The following PKHD1 variants were observed in gnomAD, a reference collection of about 807,000 sequenced individuals.
The protein encoded by PKHD1 is fibrocystin.
PKHD1 carries 291 observed loss-of-function variants against 412.0 expected under a neutral mutation model. That is an observed-to-expected ratio of 0.71 (90% CI 0.64 to 0.78). The LOEUF (loss-of-function observed/expected upper bound fraction) is 0.78. Ranked by LOEUF, PKHD1 falls within the 30% of genes least tolerant of loss-of-function variation. The pLI, the probability that PKHD1 is intolerant of heterozygous loss-of-function variation, is 0.00. For synonymous variants in PKHD1, 1,777 were observed against 1,821.5 expected, an observed-to-expected ratio of 0.98 and a Z score of 0.62; for missense variants, 4,825 against 4,950.7, an observed-to-expected ratio of 0.97 and a Z score of 0.76.
chr6:51,916,689 ATC>A (rs1225648120), intron 37 of PKHD1, among the ~76,000 whole-genome samples: 1 of 152,174 alleles, frequency 6.6e-6, no homozygotes, highest in Non-Finnish European at 1.5e-5. Context: ...CACATTTTAC[ATC>A]TGAGTCATTT....
chr6:51,762,993 G>A (rs1427806335), intron 55 of PKHD1, among the ~76,000 whole-genome samples: 1 of 151,968 alleles, frequency 6.6e-6, no homozygotes, highest in Non-Finnish European at 1.5e-5. Context: ...TAAAGAGAAA[G>A]AATTCCATAA....
chr6:51,988,970 G>A (rs1796540968), intron 35 of PKHD1, among the ~76,000 whole-genome samples: 1 of 152,126 alleles, frequency 6.6e-6, no homozygotes, highest in Non-Finnish European at 1.5e-5. Context: ...TAAGGCCAGG[G>A]GCTCACATTG....
intron 52 of PKHD1, among the ~76,000 whole-genome samples, chr6:51,813,842 T>G (rs1385053955): frequency 6.6e-6 from 1 of 152,160 alleles, no homozygotes; most frequent in African/African-American, 2.4e-5. Flanking sequence ...ATTAATAAAA[T>G]ACTATATTTT....
At chr6:52,051,369 A>C (rs1162961946) in intron 21 of PKHD1, among the ~76,000 whole-genome samples, 2 of 152,250 alleles carry the variant, frequency 1.3e-5, no homozygotes, top group African/African-American at 4.8e-5. Context: ...GAATATCATC[A>C]AGTATAAAAT....
intron 35 of PKHD1, among the ~76,000 whole-genome samples, chr6:51,994,342 A>C (rs1391874685): frequency 6.6e-6 from 1 of 151,952 alleles, no homozygotes; most frequent in East Asian, 1.9e-4. Flanking sequence ...TCACCGTGTT[A>C]GCCAGGATGG....
intron 52 of PKHD1, among the ~76,000 whole-genome samples, chr6:51,809,046 C>A (rs552979990): frequency 1.3e-5 from 2 of 152,102 alleles, no homozygotes; most frequent in Admixed American, 1.3e-4. Flanking sequence ...ACTGAATAAT[C>A]AATAATCAAT....
At chr6:51,637,597 C>T (rs1249229550) in intron 64 of PKHD1, among the ~76,000 whole-genome samples, 1 of 135,428 alleles carries the variant, frequency 7.4e-6, no homozygotes, top group Non-Finnish European at 1.6e-5. Context: ...AGAAGATAGT[C>T]TTTTTGTTAA....
At chr6:51,792,625 T>C (rs1793938790) in intron 52 of PKHD1, among the ~76,000 whole-genome samples, 1 of 152,230 alleles carries the variant, frequency 6.6e-6, no homozygotes. Context: ...TTGTAGCCAA[T>C]AAAATGTGGG....
intron 40 of PKHD1, among the ~76,000 whole-genome samples, chr6:51,908,337 G>C (rs1782442695): frequency 6.6e-6 from 1 of 152,124 alleles, no homozygotes; most frequent in Non-Finnish European, 1.5e-5. Flanking sequence ...TAGAATCCTA[G>C]CATCTCTCAA....
At chr6:51,707,998 T>C (rs1006042613) in intron 60 of PKHD1, among the ~76,000 whole-genome samples, 2 of 152,188 alleles carry the variant, frequency 1.3e-5, no homozygotes, top group Admixed American at 6.5e-5. Flanking sequence ...TGAGCCTTGG[T>C]TACATCTACA....
rs529205316 is a variant in PKHD1 at position 51,675,325 on chromosome 6, G to A, written c.10157-15356C>T. Among the ~76,000 whole-genome samples the A allele has an allele frequency of 4.6e-5, 7 of 152,180 alleles. No individual in the cohort carries two copies. The East Asian group carries it at 7.7e-4, about 17-fold the overall frequency. ...TGTTTTCTTCCTGCTTCTGTCACTC[G>A]GGGAAGGTTTAGTTTTGAGTAATGA... On this transcript the variant is annotated intron_variant, in intron 60 of 66. Transcript: ENST00000371117.
chr6:51,846,697 C>T (rs1771221863), intron 50 of PKHD1, among the ~76,000 whole-genome samples: 1 of 152,172 alleles, frequency 6.6e-6, no homozygotes, highest in South Asian at 2.1e-4. Context: ...GCCTCTGTGA[C>T]TCTGCAGTCA....
chr6:51,916,171 C>G, intron 37 of PKHD1, among the ~76,000 whole-genome samples: 1 of 152,088 alleles, frequency 6.6e-6, no homozygotes, highest in African/African-American at 2.4e-5. Context: ...CAGCACTGGA[C>G]GCATAATTAA....
At chr6:51,792,482 T>C (rs1793910607) in intron 52 of PKHD1, among the ~76,000 whole-genome samples, 1 of 152,226 alleles carries the variant, frequency 6.6e-6, no homozygotes, top group Admixed American at 6.5e-5. Flanking sequence ...CTTCCTGCAT[T>C]ATAAGAATGG....
At chr6:52,028,443 TCA>T (rs1451563635) in intron 29 of PKHD1, 92 bp from the exon 30 acceptor site, 2 of 1,201,032 alleles carry the variant, frequency 1.7e-6, no homozygotes, top group Non-Finnish European at 1.2e-6. Flanking sequence ...TGGATTAAAT[TCA>T]CAGTCACCCC....
chr6:51,944,605 A>G (rs1789151115), intron 36 of PKHD1, among the ~76,000 whole-genome samples: 1 of 152,186 alleles, frequency 6.6e-6, no homozygotes, highest in South Asian at 2.1e-4. Context: ...CCAACAAATC[A>G]ATATTCCCCA....
chr6:51,734,126 C>G (rs1209856909), intron 60 of PKHD1, among the ~76,000 whole-genome samples: 3 of 152,162 alleles, frequency 2.0e-5, no homozygotes, highest in Non-Finnish European at 4.4e-5. Context: ...CAGGTATTCT[C>G]TAGTCAAAAA....
chr6:51,796,986 G>A (rs1258217843), intron 52 of PKHD1, among the ~76,000 whole-genome samples: 1 of 151,918 alleles, frequency 6.6e-6, no homozygotes, highest in African/African-American at 2.4e-5. Flanking sequence ...GCTAATATTT[G>A]TATTTTTAGT....
At chr6:51,824,423 G>T (rs377283339) in intron 52 of PKHD1, among the ~76,000 whole-genome samples, 1 of 152,054 alleles carries the variant, frequency 6.6e-6, no homozygotes, top group Non-Finnish European at 1.5e-5. Context: ...CACCTGCTCT[G>T]TGGAGTCTGA....
Sources: allele counts gnomAD v4.1 joint callset (sites outside exome capture counted in the v4.1 genomes callset), GRCh38; gene constraint gnomAD v4.1.1; transcripts MANE v1.5; gene names NCBI Gene and HGNC (gene_info 2026-07-23, HGNC 2026-07-21).